DAB1: variants seen among roughly 807,000 people sequenced by gnomAD.
The protein encoded by DAB1 is DAB adaptor protein 1.
DAB1 carries 15 observed loss-of-function variants against 64.6 expected under a neutral mutation model. The observed-to-expected ratio is 0.23, with a 90% CI of 0.16 to 0.36. DAB1 has a LOEUF of 0.36. Ranked by LOEUF, DAB1 falls within the 10% of genes least tolerant of loss-of-function variation. The probability of loss-of-function intolerance (pLI) is 1.00; values close to 1 mark genes in which losing one functional copy is unlikely to be tolerated. For missense variants in DAB1, 596 were observed against 706.7 expected, an observed-to-expected ratio of 0.84 and a Z score of 1.78; for synonymous variants, 235 against 251.9, an observed-to-expected ratio of 0.93 and a Z score of 0.64.
At chr1:57,383,942 A>C (rs1397784572) in intron 1 of DAB1, among the ~76,000 whole-genome samples, 2 of 152,238 alleles carry the variant, frequency 1.3e-5, no homozygotes, top group Non-Finnish European at 1.5e-5. Context: ...CTATGCATCA[A>C]AGGACATGAT....
Position 57,920,884 on chromosome 1 carries a change from C to CT in DAB1, n.388-36723dup, listed in dbSNP as rs375121356. Among the ~76,000 whole-genome samples the CT allele has an allele frequency of 2.4e-3, 367 of 152,272 alleles. 5 individuals carry two copies. Among genetic ancestry groups the CT allele is most frequent in the African/African-American group, 8.5e-3 (353 of 41,540 alleles). ...AACCCTTTTGATGCACACAGGGGCC[C>CT]TATCTACCAACAATTTAAATATACC... On this transcript the variant is annotated intron_variant and non_coding_transcript_variant, in intron 5 of 20. Transcript: ENST00000485760.
chr1:58,173,101 C>T (rs1238364892), intron 4 of DAB1, among the ~76,000 whole-genome samples: 1 of 152,194 alleles, frequency 6.6e-6, no homozygotes, highest in East Asian at 1.9e-4. Context: ...GCAGAACCTC[C>T]CATTAGAAAT....
intron 3 of DAB1, among the ~76,000 whole-genome samples, chr1:58,406,269 C>T (rs1481014246): frequency 7.2e-5 from 11 of 152,302 alleles, no homozygotes; most frequent in South Asian, 2.1e-4. Flanking sequence ...GTAGGAGACA[C>T]AGAATTGCCT....
chr1:57,242,121 A>T (rs1056874140), intron 2 of DAB1, among the ~76,000 whole-genome samples: 1 of 152,188 alleles, frequency 6.6e-6, no homozygotes, highest in African/African-American at 2.4e-5. Context: ...TCACAAGTAA[A>T]TGGTTATAGG....
chr1:57,065,632 G>T (rs1422392840), intron 8 of DAB1, among the ~76,000 whole-genome samples: 1 of 152,198 alleles, frequency 6.6e-6, no homozygotes, highest in Non-Finnish European at 1.5e-5. Context: ...CATGGTCCTG[G>T]CTCTCATCTC....
At chr1:57,122,213 G>A (rs913221301) in intron 4 of DAB1, among the ~76,000 whole-genome samples, 17 of 152,112 alleles carry the variant, frequency 1.1e-4, no homozygotes, top group Admixed American at 2.6e-4. Flanking sequence ...CTGTTTACTC[G>A]GCTGCTAGAT....
intron 1 of DAB1, among the ~76,000 whole-genome samples, chr1:57,391,604 T>C (rs903144876): frequency 6.6e-6 from 1 of 152,156 alleles, no homozygotes; most frequent in African/African-American, 2.4e-5. Flanking sequence ...ATCTACTACA[T>C]GCAGATATAT....
At chr1:58,421,460 A>G (rs970836704) in intron 3 of DAB1, among the ~76,000 whole-genome samples, 5 of 152,182 alleles carry the variant, frequency 3.3e-5, no homozygotes, top group African/African-American at 1.2e-4. Context: ...GGACTGGCAG[A>G]AAAAAAAGTT....
At chr1:58,369,899 A>G (rs573741700) in intron 3 of DAB1, among the ~76,000 whole-genome samples, 85 of 152,358 alleles carry the variant, frequency 5.6e-4, no homozygotes, top group African/African-American at 2.0e-3. Flanking sequence ...GAGTTAAAAT[A>G]TGATCATGTC....
intron 6 of DAB1, among the ~76,000 whole-genome samples, chr1:57,813,842 A>G (rs1651737829): frequency 6.6e-6 from 1 of 152,230 alleles, no homozygotes; most frequent in African/African-American, 2.4e-5. Flanking sequence ...CTGTTTAGGT[A>G]GCAGATGTCA....
chr1:57,861,373 T>C (rs1275365438), intron 1 of DAB1, among the ~76,000 whole-genome samples: 1 of 152,232 alleles, frequency 6.6e-6, no homozygotes, highest in Non-Finnish European at 1.5e-5. Context: ...AGGGCCCTCT[T>C]CTGGGTTACA....
intron 4 of DAB1, among the ~76,000 whole-genome samples, chr1:58,293,053 C>A (rs1661884099): frequency 6.6e-6 from 1 of 152,174 alleles, no homozygotes; most frequent in African/African-American, 2.4e-5. Context: ...AATGATAAAG[C>A]ACAAACTCAG....
chr1:57,015,611 T>C lies in DAB1; in HGVS notation c.896-180A>G, dbSNP rs11810899. On this transcript the variant is annotated intron_variant, in intron 11 of 14. Transcript: ENST00000371236. Reference sequence around the variant, plus strand: ...CCTTGCTGTCATAGAGCCTATATCCTAGAGAAGTGGTCAGGGAAATCCTCT... The same window carrying C: ...CCTTGCTGTCATAGAGCCTATATCCCAGAGAAGTGGTCAGGGAAATCCTCT... Among the ~76,000 whole-genome samples, 20,501 of 152,216 alleles carry C rather than the reference T, an allele frequency of 0.13. 1,846 individuals are homozygous for C. Among genetic ancestry groups the C allele is most frequent in the East Asian group, 0.33 (1,697 of 5,150 alleles).
chr1:57,891,134 C>A (rs949437382), intron 5 of DAB1, among the ~76,000 whole-genome samples: 1 of 152,140 alleles, frequency 6.6e-6, no homozygotes, highest in African/African-American at 2.4e-5. Flanking sequence ...GGGCTAATAT[C>A]CAGAATCTAC....
chr1:57,647,692 C>G (rs145391222), intron 7 of DAB1, among the ~76,000 whole-genome samples: 1 of 152,256 alleles, frequency 6.6e-6, no homozygotes, highest in African/African-American at 2.4e-5. Context: ...TACCACATAC[C>G]CAGATGTTAT....
At chr1:57,846,689 G>A (rs1030099936) in intron 1 of DAB1, among the ~76,000 whole-genome samples, 1 of 151,642 alleles carries the variant, frequency 6.6e-6, no homozygotes, top group Non-Finnish European at 1.5e-5. Flanking sequence ...TTTTTCCAGG[G>A]CATCTAGAAC....
At chr1:58,013,835 A>G (rs983676969) in intron 5 of DAB1, among the ~76,000 whole-genome samples, 1 of 152,012 alleles carries the variant, frequency 6.6e-6, no homozygotes, top group Non-Finnish European at 1.5e-5. Flanking sequence ...CCACAAAAAC[A>G]GGCAAATGGG....
At chr1:57,298,949 T>G (rs1184213892) in intron 1 of DAB1, among the ~76,000 whole-genome samples, 1 of 152,212 alleles carries the variant, frequency 6.6e-6, no homozygotes, top group Non-Finnish European at 1.5e-5. Flanking sequence ...CCTATCAGTT[T>G]TCATGAAATT....
chr1:57,964,172 T>A (rs1200969235), intron 5 of DAB1, among the ~76,000 whole-genome samples: 1 of 152,180 alleles, frequency 6.6e-6, no homozygotes. Flanking sequence ...AGAGAGTTGA[T>A]GCTCTCTTGC....
Sources: gnomAD v4.1 joint callset for allele counts (sites outside exome capture counted in the v4.1 genomes callset) on GRCh38, gnomAD v4.1.1 for gene constraint, MANE v1.5 for transcripts, NCBI Gene and HGNC (gene_info 2026-07-23, HGNC 2026-07-21) for gene names.